Variants in EYA2 observed in about 807,000 individuals in gnomAD.
EYA2 encodes the protein EYA transcriptional coactivator and phosphatase 2, also known as protein phosphatase EYA2.
In EYA2, 31 loss-of-function variants were observed where a neutral mutation model predicts 69.2. That is an observed-to-expected ratio of 0.45 (90% CI 0.34 to 0.60). The LOEUF is 0.60. Among genes scored for constraint, EYA2 ranks in the 20% least tolerant of loss-of-function variants. The pLI, the probability that EYA2 is intolerant of heterozygous loss-of-function variation, is 0.02. For missense variants in EYA2, 622 were observed against 701.2 expected (o/e 0.89, Z 1.28); for synonymous variants, 257 against 279.4 (o/e 0.92, Z 0.80).
At chr20:46,991,410 A>C (rs1477068058) in intron 2 of EYA2, among the ~76,000 whole-genome samples, 2 of 152,180 alleles carry the variant, frequency 1.3e-5, no homozygotes, top group Non-Finnish European at 2.9e-5. Context: ...TGCTGATTGC[A>C]AGAAGGAAGT....
At chr20:47,056,575 A>C (rs1008174762) in intron 5 of EYA2, among the ~76,000 whole-genome samples, 2 of 152,204 alleles carry the variant, frequency 1.3e-5, no homozygotes, top group Admixed American at 6.5e-5. Flanking sequence ...CATAAGCCAG[A>C]TAAACAAACT....
chr20:47,009,768 A>G (rs902815681), intron 4 of EYA2, among the ~76,000 whole-genome samples: 8 of 152,274 alleles, frequency 5.3e-5, no homozygotes, highest in African/African-American at 1.9e-4. Context: ...TGGGCTGTCT[A>G]TGTCTCAAAA....
chr20:47,142,281 C>T (rs62201406), intron 9 of EYA2, among the ~76,000 whole-genome samples: 42,352 of 152,248 alleles, frequency 0.28, 6,935 homozygotes, highest in Non-Finnish European at 0.37. Context: ...AGAAGCACCT[C>T]AGGGAGGGAC....
chr20:47,109,711 T>C (rs4606990), intron 9 of EYA2, among the ~76,000 whole-genome samples: 73,291 of 152,024 alleles, frequency 0.48, 20,671 homozygotes, highest in Non-Finnish European at 0.63. Context: ...CCTCCCACAT[T>C]GCCATACATA....
intron 5 of EYA2, among the ~76,000 whole-genome samples, chr20:47,047,255 G>A (rs1055835296): frequency 9.2e-5 from 14 of 152,104 alleles, no homozygotes; most frequent in African/African-American, 2.2e-4. Flanking sequence ...GAATGAGTGC[G>A]TGGATGATCT....
Position 47,180,954 on chromosome 20 carries a change from C to T in EYA2, c.1435+18C>T. 6.2e-7 allele frequency: 1 copy of T among 1,612,154 alleles called. No individual in the cohort carries two copies. Among genetic ancestry groups the T allele is most frequent in the Non-Finnish European group, 8.5e-7 (1 of 1,179,086 alleles). On this transcript the variant is annotated intron_variant, in intron 14 of 15. Coordinates refer to ENST00000327619, the MANE Select transcript of EYA2 (RefSeq NM_005244.5). ...CAAGACAGGTAGGGAGAAGCCACACCTCGGCGGGGATACAGGGTTGGAGGG... is the reference window on the plus strand; with the variant it reads ...CAAGACAGGTAGGGAGAAGCCACACTTCGGCGGGGATACAGGGTTGGAGGG...
intron 5 of EYA2, among the ~76,000 whole-genome samples, chr20:47,055,773 C>A (rs1205238921): frequency 6.6e-6 from 1 of 152,184 alleles, no homozygotes; most frequent in Non-Finnish European, 1.5e-5. Flanking sequence ...ATGTATTGAT[C>A]CCCTGTTTAA....
intron 9 of EYA2, among the ~76,000 whole-genome samples, chr20:47,142,318 G>A (rs765511036): frequency 5.3e-5 from 8 of 152,256 alleles, no homozygotes; most frequent in Non-Finnish European, 1.2e-4. Context: ...CAGCAGTACA[G>A]TCTACCACAC....
chr20:46,990,095 G>A lies in EYA2; in HGVS notation c.85G>A (p.Val29Met). 1 of 1,610,252 alleles carries A rather than the reference G, an allele frequency of 6.2e-7. No individual in the cohort carries two copies. The highest frequency in any genetic ancestry group is 8.5e-7 in the Non-Finnish European group (1 of 1,176,604). The change falls in exon 2 of 16, where the codon GTG becomes ATG. Residue 29 changes from valine (V) to methionine (M), a missense_variant. Physicochemically the swap from Val to Met is conservative, Grantham distance 21 (BLOSUM62 1). Coordinates refer to ENST00000327619, the MANE Select transcript of EYA2 (RefSeq NM_005244.5). Reference sequence around the variant, plus strand: ...GAAGTTTAACCGTGCTGACGCTGCTGTGTGGACTCTGAGTGACAGACAAGG... The same window carrying A: ...GAAGTTTAACCGTGCTGACGCTGCTATGTGGACTCTGAGTGACAGACAAGG... ...KLKFNRADAAVWTLSDRQGIT... is the reference protein window; with the variant it reads ...KLKFNRADAAMWTLSDRQGIT...
At chr20:47,071,735 A>T (rs2031320725) in intron 5 of EYA2, 1 of 164,816 alleles carries the variant, frequency 6.1e-6, no homozygotes, top group Non-Finnish European at 1.3e-5. Context: ...GAAATTTGGT[A>T]ACCAAAGTCA....
intron 1 of EYA2, among the ~76,000 whole-genome samples, chr20:46,897,019 A>T (rs6090574): frequency 0.36 from 19,380 of 53,904 alleles, 1,851 homozygotes; most frequent in African/African-American, 0.52. Flanking sequence ...GGATTTTTTT[A>T]AAAAGTTTTC....
intron 9 of EYA2, among the ~76,000 whole-genome samples, chr20:47,123,040 A>G (rs1374818215): frequency 6.6e-6 from 1 of 152,184 alleles, no homozygotes; most frequent in Non-Finnish European, 1.5e-5. Context: ...GCATGGATGT[A>G]ATAACAATAA....
At chr20:47,003,288 C>T (rs1487249221) in intron 3 of EYA2, among the ~76,000 whole-genome samples, 1 of 152,198 alleles carries the variant, frequency 6.6e-6, no homozygotes, top group Admixed American at 6.5e-5. Flanking sequence ...ACCTCCAAGG[C>T]TTATCACAGT....
At chr20:47,038,628 T>C (rs1984852008) in intron 5 of EYA2, among the ~76,000 whole-genome samples, 1 of 152,236 alleles carries the variant, frequency 6.6e-6, no homozygotes. Flanking sequence ...TTCATTGTGA[T>C]ATAAAATTTA....
intron 1 of EYA2, among the ~76,000 whole-genome samples, chr20:46,939,390 G>A (rs1986059725): frequency 6.6e-6 from 1 of 151,934 alleles, no homozygotes; most frequent in African/African-American, 2.4e-5. Context: ...AAACCTGAGT[G>A]ATAGAGATGG....
At chr20:47,100,043 G>A (rs2032381012) in intron 9 of EYA2, among the ~76,000 whole-genome samples, 1 of 145,362 alleles carries the variant, frequency 6.9e-6, no homozygotes, top group South Asian at 2.1e-4. Flanking sequence ...GTTTGGTTTT[G>A]TTCATAGCTT....
At position 47,143,737 on chromosome 20, in the gene EYA2, A is replaced by G. The variant is rs1199840054; in HGVS notation, c.978+589A>G. On this transcript the variant is annotated intron_variant, in intron 10 of 15. Coordinates refer to ENST00000327619, the MANE Select transcript of EYA2 (RefSeq NM_005244.5). ...GAATTCATTTGTTTATACCCAGCCT[A>G]TGTCAGAAAGGATTTCGAATGGGAA... Among the ~76,000 whole-genome samples, 2 of 152,182 alleles carry G rather than the reference A, an allele frequency of 1.3e-5. 1 individual carries two copies. Among genetic ancestry groups the G allele is most frequent in the South Asian group, 4.1e-4 (2 of 4,832 alleles).
At chr20:47,153,300 T>C (rs2033859897) in intron 10 of EYA2, among the ~76,000 whole-genome samples, 1 of 151,964 alleles carries the variant, frequency 6.6e-6, no homozygotes, top group African/African-American at 2.4e-5. Flanking sequence ...TCATAGGTAA[T>C]GATGCCCAGG....
intron 1 of EYA2, among the ~76,000 whole-genome samples, chr20:46,979,138 T>G (rs1321109588): frequency 6.6e-6 from 1 of 152,208 alleles, no homozygotes; most frequent in Non-Finnish European, 1.5e-5. Flanking sequence ...GCCACCATCC[T>G]CAGCCAAGGT....
Sources: allele counts gnomAD v4.1 joint callset (sites outside exome capture counted in the v4.1 genomes callset), GRCh38; gene constraint gnomAD v4.1.1; transcripts MANE v1.5; gene names NCBI Gene and HGNC (gene_info 2026-07-23, HGNC 2026-07-21).